TMEM117: variants seen among roughly 807,000 people sequenced by gnomAD.
The protein encoded by TMEM117 is transmembrane protein 117.
In TMEM117, 27 loss-of-function variants were observed where a neutral mutation model predicts 52.4. That is an observed-to-expected ratio of 0.51 (90% CI 0.38 to 0.71). The LOEUF (loss-of-function observed/expected upper bound fraction) is 0.71, where lower values mean the gene tolerates loss of function less well. Among genes scored for constraint, TMEM117 ranks in the 30% least tolerant of loss-of-function variants. The pLI, the probability that TMEM117 is intolerant of heterozygous loss-of-function variation, is 0.00. For synonymous variants in TMEM117, 215 were observed against 206.3 expected (o/e 1.04, Z -0.36); for missense variants, 556 against 630.5 (o/e 0.88, Z 1.26).
chr12:44,063,593 A>G (rs575950359), intron 3 of TMEM117, among the ~76,000 whole-genome samples: 3 of 151,696 alleles, frequency 2.0e-5, no homozygotes, highest in South Asian at 2.1e-4. Flanking sequence ...CATTAGGTAT[A>G]TCTCCTAATG....
At chr12:43,959,398 C>T (rs993681348) in intron 3 of TMEM117, among the ~76,000 whole-genome samples, 3 of 152,160 alleles carry the variant, frequency 2.0e-5, no homozygotes, top group Admixed American at 1.3e-4. Flanking sequence ...TAATTTTTCT[C>T]AAGGCTGATT....
At chr12:44,048,408 G>A (rs1476073447) in intron 3 of TMEM117, among the ~76,000 whole-genome samples, 1 of 151,776 alleles carries the variant, frequency 6.6e-6, no homozygotes, top group Non-Finnish European at 1.5e-5. Context: ...TTGTTTTACT[G>A]TTATTTTTGT....
At chr12:44,230,675 TC>T (rs1227132315) in intron 5 of TMEM117, among the ~76,000 whole-genome samples, 1 of 152,046 alleles carries the variant, frequency 6.6e-6, no homozygotes, top group Non-Finnish European at 1.5e-5. Context: ...TTTACAATCA[TC>T]AATTGGCTCC....
At chr12:44,103,533 T>C (rs1947899680) in intron 3 of TMEM117, among the ~76,000 whole-genome samples, 1 of 152,036 alleles carries the variant, frequency 6.6e-6, no homozygotes, top group African/African-American at 2.4e-5. Context: ...AATCTGTCTC[T>C]CATTAACTTT....
chr12:44,185,046 G>T (rs867046646), intron 4 of TMEM117, among the ~76,000 whole-genome samples: 1 of 152,142 alleles, frequency 6.6e-6, no homozygotes, highest in Non-Finnish European at 1.5e-5. Context: ...CCTCAATAGG[G>T]TTGAGTGTAA....
At chr12:44,235,296 C>G (rs1949982131) in intron 5 of TMEM117, among the ~76,000 whole-genome samples, 1 of 151,414 alleles carries the variant, frequency 6.6e-6, no homozygotes, top group Non-Finnish European at 1.5e-5. Context: ...CTTTTACTTT[C>G]AATCATTTAG....
intron 3 of TMEM117, among the ~76,000 whole-genome samples, chr12:43,965,916 T>A (rs978558272): frequency 1.3e-5 from 2 of 152,164 alleles, no homozygotes; most frequent in Non-Finnish European, 2.9e-5. Flanking sequence ...CTCCACCTGC[T>A]AGTAGTCCCT....
At chr12:44,343,524 G>A (rs1951444893) in intron 6 of TMEM117, among the ~76,000 whole-genome samples, 1 of 152,078 alleles carries the variant, frequency 6.6e-6, no homozygotes, top group Non-Finnish European at 1.5e-5. Flanking sequence ...CGAATTTATA[G>A]AGACAAAAAG....
intron 2 of TMEM117, among the ~76,000 whole-genome samples, chr12:43,926,390 T>A (rs1351116468): frequency 1.3e-5 from 2 of 152,226 alleles, no homozygotes; most frequent in Non-Finnish European, 2.9e-5. Context: ...GTAGTTACAT[T>A]GCTTAAAGTC....
intron 2 of TMEM117, among the ~76,000 whole-genome samples, chr12:43,893,849 A>G (rs934038324): frequency 2.0e-5 from 3 of 152,200 alleles, no homozygotes; most frequent in African/African-American, 7.2e-5. Context: ...TGCGTGACTC[A>G]TCAGCTGAAG....
intron 2 of TMEM117, among the ~76,000 whole-genome samples, chr12:43,905,944 G>C (rs1463751925): frequency 6.6e-6 from 1 of 152,078 alleles, no homozygotes; most frequent in Non-Finnish European, 1.5e-5. Flanking sequence ...TATCATTACT[G>C]TTTATTTGTA....
chr12:43,804,672 G>A, the TMEM117 span: 1 of 727,894 alleles, frequency 1.4e-6, no homozygotes, highest in Non-Finnish European at 2.2e-6. Context: ...AAAAAATCTG[G>A]AGCATGTAGC....
chr12:44,208,725 G>GTATT (rs1949604710), intron 4 of TMEM117, among the ~76,000 whole-genome samples: 1 of 68,828 alleles, frequency 1.5e-5, no homozygotes, highest in Admixed American at 2.0e-4. Context: ...CAGAAAGAAT[G>GTATT]TTTTTTTTTT....
At chr12:43,835,110 CT>C (rs944190480), upstream of TMEM117, among the ~76,000 whole-genome samples, 2 of 152,122 alleles carry the variant, frequency 1.3e-5, no homozygotes, top group African/African-American at 4.8e-5. Flanking sequence ...TATTAGCATG[CT>C]GGATAGCAGC....
intron 2 of TMEM117, among the ~76,000 whole-genome samples, chr12:43,913,241 A>G (rs1944545992): frequency 6.6e-6 from 1 of 152,184 alleles, no homozygotes; most frequent in Admixed American, 6.5e-5. Flanking sequence ...CTTTAAAGGC[A>G]TACCTATCAA....
At chr12:44,360,665 G>A (rs542982258) in intron 6 of TMEM117, among the ~76,000 whole-genome samples, 2 of 152,010 alleles carry the variant, frequency 1.3e-5, no homozygotes, top group South Asian at 2.1e-4. Flanking sequence ...ACTGACCAAG[G>A]AAACTGTCAG....
intron 5 of TMEM117, among the ~76,000 whole-genome samples, chr12:44,278,150 G>A (rs1950538165): frequency 6.6e-6 from 1 of 152,156 alleles, no homozygotes; most frequent in Non-Finnish European, 1.5e-5. Flanking sequence ...TATCTGATTA[G>A]AAATCTTAAT....
At chr12:43,902,481 G>C (rs1157880871) in intron 2 of TMEM117, among the ~76,000 whole-genome samples, 2 of 152,152 alleles carry the variant, frequency 1.3e-5, no homozygotes, top group African/African-American at 4.8e-5. Context: ...TTGATATCTA[G>C]TGCTCTACAT....
At chr12:44,181,103 GTGA>G in intron 4 of TMEM117, among the ~76,000 whole-genome samples, 1 of 152,122 alleles carries the variant, frequency 6.6e-6, no homozygotes. Flanking sequence ...CTGATGGCCA[GTGA>G]TGATGAGCAT....
Sources: allele counts gnomAD v4.1 joint callset (sites outside exome capture counted in the v4.1 genomes callset), GRCh38; gene constraint gnomAD v4.1.1; transcripts MANE v1.5; gene names NCBI Gene and HGNC (gene_info 2026-07-23, HGNC 2026-07-21).